Variants in DOCK9 observed in about 807,000 individuals in gnomAD.
DOCK9 encodes dedicator of cytokinesis protein 9.
A neutral mutation model predicts 263.3 loss-of-function variants in DOCK9; 89 were observed. The observed-to-expected ratio is 0.34, with a 90% confidence interval of 0.28 to 0.40. The LOEUF (loss-of-function observed/expected upper bound fraction) is 0.40. Ranked by LOEUF, DOCK9 falls within the 10% of genes least tolerant of loss-of-function variation. The pLI, the probability that DOCK9 is intolerant of heterozygous loss-of-function variation, is 1.00. For missense variants in DOCK9, 2,140 were observed against 2,603.4 expected, an observed-to-expected ratio of 0.82 and a Z score of 3.87; for synonymous variants, 976 against 973.1, an observed-to-expected ratio of 1.00 and a Z score of -0.06.
intron 1 of DOCK9, among the ~76,000 whole-genome samples, chr13:99,003,244 C>T (rs1296491865): frequency 6.6e-6 from 1 of 152,200 alleles, no homozygotes; most frequent in Non-Finnish European, 1.5e-5. Context: ...CACACTCAGA[C>T]AGAGGTCTTC....
intron 4 of DOCK9, among the ~76,000 whole-genome samples, chr13:98,924,275 C>G (rs2052562854): frequency 6.6e-6 from 1 of 152,150 alleles, no homozygotes; most frequent in Non-Finnish European, 1.5e-5. Flanking sequence ...ATTGGCCGAA[C>G]ATTCTTAAGG....
At chr13:98,820,784 A>T (rs1352439051) in intron 45 of DOCK9, 1 of 271,000 alleles carries the variant, frequency 3.7e-6, no homozygotes, top group Non-Finnish European at 7.2e-6. Flanking sequence ...TCTAGTAAAC[A>T]TTATTAATTT....
intron 1 of DOCK9, among the ~76,000 whole-genome samples, chr13:98,991,550 T>G (rs1008082670): frequency 6.6e-6 from 1 of 152,146 alleles, no homozygotes; most frequent in African/African-American, 2.4e-5. Flanking sequence ...TTAAGAGTTT[T>G]TTTATTGATT....
chr13:99,044,768 CAGTGCTTAAAGCCGTA>C (rs2142154935), intron 1 of DOCK9, among the ~76,000 whole-genome samples: 1 of 152,306 alleles, frequency 6.6e-6, no homozygotes, highest in Non-Finnish European at 1.5e-5. Context: ...AACTATAATA[CAGTGCTTAAAGCCGTA>C]AGTAAAAGAA....
At position 98,805,176 on chromosome 13, in the gene DOCK9, A is replaced by G. The variant is rs2090553013; in HGVS notation, c.5548T>C (p.Tyr1850His). The change falls in exon 49 of 53, where the codon TAC becomes CAC. Residue 1850 changes from tyrosine (Y) to histidine (H), a missense_variant. Physicochemically the swap from Tyr to His is moderately conservative, Grantham distance 83. Around this residue, in one of 2 missense-constraint regions of DOCK9, gnomAD observed 619 missense variants for 861.8 expected, o/e 0.72. Transcript: ENST00000682017. ...GGGATGACGTGAGTCACCTGGATGT[A>G]TGCATACTTAGAATCCAGATCCTTA... Reference protein sequence around the residue: ...NPKDLDSKYAYIQVTHVIPFF... With the variant: ...NPKDLDSKYAHIQVTHVIPFF... 6.2e-7 allele frequency: 1 copy of G among 1,605,062 alleles called. No individual in the cohort carries two copies. The highest frequency in any genetic ancestry group is 8.5e-7 in the Non-Finnish European group (1 of 1,174,886).
At chr13:98,967,323 C>T (rs928148086) in intron 1 of DOCK9, among the ~76,000 whole-genome samples, 4 of 152,228 alleles carry the variant, frequency 2.6e-5, no homozygotes, top group Non-Finnish European at 2.9e-5. Context: ...GTGTAGTTCA[C>T]ATTCAATAGA....
At chr13:98,933,469 C>T (rs1260322674) in intron 2 of DOCK9, among the ~76,000 whole-genome samples, 2 of 151,616 alleles carry the variant, frequency 1.3e-5, no homozygotes, top group East Asian at 3.9e-4. Flanking sequence ...TGAGTTTTAA[C>T]AGATAAGATA....
At chr13:98,818,269 G>A (rs562041749) in intron 45 of DOCK9, among the ~76,000 whole-genome samples, 2 of 152,162 alleles carry the variant, frequency 1.3e-5, no homozygotes, top group Non-Finnish European at 1.5e-5. Flanking sequence ...GAAATAACTG[G>A]TAATCAACCG....
intron 1 of DOCK9, among the ~76,000 whole-genome samples, chr13:99,033,181 C>G (rs1887525484): frequency 6.6e-6 from 1 of 152,170 alleles, no homozygotes; most frequent in Admixed American, 6.5e-5. Flanking sequence ...GATAACATGT[C>G]TAATTTCTTA....
Position 98,809,033 on chromosome 13 carries a change from G to A in DOCK9, c.5367+319C>T, listed in dbSNP as rs2091021609. The A allele has an allele frequency of 4.1e-6, 6 of 1,466,334 alleles. No homozygotes were observed. The South Asian group carries it at 8.4e-5, about 20-fold the overall frequency. The allele number at this position is 1,466,334 out of a possible 1,614,324, so 90.8% of individuals were successfully genotyped here. A position where few individuals can be genotyped will look rare whatever the true frequency, so the allele number is the denominator to read the frequency against. On this transcript the variant is annotated intron_variant, in intron 47 of 52. Coordinates refer to ENST00000682017, the MANE Select transcript of DOCK9 (RefSeq NM_001366683.2). Reference sequence around the variant, plus strand: ...TTTTGGAGTTTGTAATAACTAGACAGATAAACATACAGACTTGAAAAGCAA... The same window carrying A: ...TTTTGGAGTTTGTAATAACTAGACAAATAAACATACAGACTTGAAAAGCAA...
rs577923423 is a variant in DOCK9, at chr13:98,862,779, G to A, written c.3579+240C>T. ...TGAGGATAGAGGCAGAGACTGGCGC[G>A]ATGCCACTACAAGCCAGAGAGCACC... is the stretch of plus-strand genomic sequence containing the variant. On this transcript the variant is annotated intron_variant, in intron 32 of 52. Transcript: ENST00000682017. Among the ~76,000 whole-genome samples, 31 of 152,220 alleles carry A rather than the reference G, an allele frequency of 2.0e-4. No homozygotes were observed. The South Asian group carries it at 3.7e-3, about 18-fold the overall frequency.
At chr13:98,885,204 A>G in intron 20 of DOCK9, 112 bp from the exon 21 acceptor site, 1 of 1,424,210 alleles carries the variant, frequency 7.0e-7, no homozygotes, top group Non-Finnish European at 9.4e-7. Context: ...CCTATCAATT[A>G]GAGTAAGAAA....
At position 99,079,950 on chromosome 13, in the gene DOCK9, G is replaced by T. The variant is rs1269511551; in HGVS notation, c.129+6273C>A. Among the ~76,000 whole-genome samples, 6 of 152,318 alleles carry T rather than the reference G, an allele frequency of 3.9e-5. No homozygotes were observed. The South Asian group carries it at 8.3e-4, about 21-fold the overall frequency. ...AGCTACCTGGGAGGCTGAAGCAGGA[G>T]AATCACTTGAGCCCGGAAGGCAGAG... is the stretch of plus-strand genomic sequence containing the variant. On this transcript the variant is annotated intron_variant, in intron 1 of 32. Transcript: ENST00000427887.
intron 1 of DOCK9, among the ~76,000 whole-genome samples, chr13:99,070,453 G>A (rs758884773): frequency 1.8e-4 from 27 of 151,702 alleles, no homozygotes; most frequent in Admixed American, 8.5e-4. Flanking sequence ...TGCTTACTGC[G>A]TTTTTTTTGC....
At chr13:98,997,001 A>G (rs1881205241) in intron 1 of DOCK9, among the ~76,000 whole-genome samples, 1 of 152,222 alleles carries the variant, frequency 6.6e-6, no homozygotes, top group African/African-American at 2.4e-5. Flanking sequence ...ACAAGAAAAG[A>G]CATGTGCTCC....
rs375789063 is a variant in DOCK9, at chr13:99,021,861, A to T, written c.129+64362T>A. Among the ~76,000 whole-genome samples the T allele has an allele frequency of 1.6e-3, 247 of 152,212 alleles. 9 individuals are homozygous for T. In the South Asian group the frequency reaches 0.048, roughly 29 times the overall value. On this transcript the variant is annotated intron_variant, in intron 1 of 32. Coordinates refer to the DOCK9 transcript ENST00000427887. ...GAGCATTAGGACAAATACCTAATGC[A>T]CGCGGGGCTTAAAACCTAGATGACG...
chr13:99,023,964 C>T (rs1204207085), intron 1 of DOCK9, among the ~76,000 whole-genome samples: 2 of 152,138 alleles, frequency 1.3e-5, no homozygotes, highest in Non-Finnish European at 2.9e-5. Context: ...AGCCATGAAA[C>T]GAATGAACAA....
At chr13:98,902,710 G>C (rs1313590182) in intron 11 of DOCK9, among the ~76,000 whole-genome samples, 3 of 152,192 alleles carry the variant, frequency 2.0e-5, no homozygotes, top group Non-Finnish European at 4.4e-5. Flanking sequence ...CGTAATGTAT[G>C]TTCCATAGAA....
intron 1 of DOCK9, among the ~76,000 whole-genome samples, chr13:99,050,424 G>A (rs1026198762): frequency 2.0e-4 from 30 of 152,246 alleles, no homozygotes; most frequent in African/African-American, 4.8e-5. Context: ...ACCGGGCGCA[G>A]TGGCTCATGC....
Sources: allele counts gnomAD v4.1 joint callset (sites outside exome capture counted in the v4.1 genomes callset), GRCh38; gene constraint gnomAD v4.1.1; regional missense constraint gnomAD v4.1.1; transcripts MANE v1.5; gene names NCBI Gene and HGNC (gene_info 2026-07-23, HGNC 2026-07-21).